The following STRN3 variants were observed in gnomAD, a reference collection of about 807,000 sequenced individuals.
STRN3 encodes the protein striatin 3.
In STRN3, 29 loss-of-function variants were observed where a neutral mutation model predicts 95.6. That is an observed-to-expected ratio of 0.30 (90% CI 0.23 to 0.41). The LOEUF (loss-of-function observed/expected upper bound fraction) is 0.41, where lower values mean the gene tolerates loss of function less well. Ranked by LOEUF, STRN3 falls within the 10% of genes least tolerant of loss-of-function variation. The probability of loss-of-function intolerance (pLI) is 1.00; values close to 1 mark genes in which losing one functional copy is unlikely to be tolerated. For synonymous variants in STRN3, 331 were observed against 357.6 expected, an observed-to-expected ratio of 0.93 and a Z score of 0.84; for missense variants, 890 against 972.1, an observed-to-expected ratio of 0.92 and a Z score of 1.12.
At chr14:30,936,297 TG>T (rs1878814301) in intron 6 of STRN3, among the ~76,000 whole-genome samples, 197 bp downstream of exon 6, 1 of 152,202 alleles carries the variant, frequency 6.6e-6, no homozygotes. Flanking sequence ...GACCTTTTCT[TG>T]CCCATTTAGT....
chr14:31,024,057 A>G (rs112250905), intron 1 of STRN3, among the ~76,000 whole-genome samples: 1,820 of 152,352 alleles, frequency 0.012, 11 homozygotes, highest in Non-Finnish European at 0.019. Flanking sequence ...CCTAGAAGGG[A>G]AAGCAAATGC....
intron 8 of STRN3, among the ~76,000 whole-genome samples, chr14:30,927,977 T>G (rs1340220439): frequency 1.3e-5 from 2 of 151,334 alleles, no homozygotes; most frequent in African/African-American, 4.9e-5. Context: ...AATTCTAATG[T>G]CATTTTGTCT....
chr14:30,907,125 T>C (rs749650585), intron 13 of STRN3, 81 bp from the exon 14 acceptor site: 1 of 1,473,946 alleles, frequency 6.8e-7, no homozygotes, highest in Non-Finnish European at 9.1e-7. Flanking sequence ...ACTTACCATA[T>C]AACTGAGCAT....
chr14:30,992,303 C>T (rs1052377919), intron 1 of STRN3, among the ~76,000 whole-genome samples: 6 of 151,402 alleles, frequency 4.0e-5, no homozygotes, highest in Non-Finnish European at 1.5e-5. Flanking sequence ...CCCAGCTACT[C>T]GGGAGACCTG....
At chr14:31,011,817 C>T (rs977869440) in intron 1 of STRN3, among the ~76,000 whole-genome samples, 1 of 151,826 alleles carries the variant, frequency 6.6e-6, no homozygotes, top group Non-Finnish European at 1.5e-5. Flanking sequence ...CAGTGGCTAA[C>T]GGATGTAATC....
chr14:30,963,647 T>C (rs1282683157), intron 1 of STRN3, among the ~76,000 whole-genome samples: 1 of 152,144 alleles, frequency 6.6e-6, no homozygotes, highest in Admixed American at 6.5e-5. Flanking sequence ...TGACCTCAAG[T>C]GATCTGCCCA....
At chr14:31,014,989 G>T (rs545317792) in intron 1 of STRN3, among the ~76,000 whole-genome samples, 1 of 152,084 alleles carries the variant, frequency 6.6e-6, no homozygotes, top group Admixed American at 6.6e-5. Context: ...CACCATGCCC[G>T]GCTAATTTTT....
At chr14:30,974,607 C>CAA (rs34613702) in intron 1 of STRN3, among the ~76,000 whole-genome samples, 25,231 of 120,380 alleles carry the variant, frequency 0.21, 2,828 homozygotes, top group African/African-American at 0.26. Context: ...AGCATAACTA[C>CAA]AAAAAAAAAA....
At chr14:30,931,326 T>TA (rs1491198708) in intron 7 of STRN3, among the ~76,000 whole-genome samples, 4 of 152,114 alleles carry the variant, frequency 2.6e-5, no homozygotes, top group African/African-American at 9.7e-5. Context: ...ATCCTTTTTT[T>TA]AAAAAATCTA....
intron 5 of STRN3, among the ~76,000 whole-genome samples, chr14:30,941,360 A>G (rs1295465223): frequency 2.0e-5 from 3 of 152,270 alleles, no homozygotes; most frequent in East Asian, 1.9e-4. Flanking sequence ...TTCAACTTCA[A>G]TATCTTGCTT....
rs770181716 is a variant in STRN3, at chr14:30,929,274, A to G, written c.1026T>C (p.Asp342=). The G allele has an allele frequency of 1.9e-6, 3 of 1,613,626 alleles. No individual in the cohort carries two copies. Among genetic ancestry groups the G allele is most frequent in the Non-Finnish European group, 2.5e-6 (3 of 1,179,750 alleles). ...DDLSPTAEVW[D]VDQGLISKLK... ...GTTTACTTATTAGTCCCTGGTCTAC[A>G]TCCCAAACCTCAGCAGTTGGGGAGA... is the stretch of plus-strand genomic sequence containing the variant. The change falls in exon 8 of 18, where the codon GAT becomes GAC. Residue 342 remains aspartate, a synonymous_variant. Transcript: ENST00000357479.
At chr14:31,007,955 G>C (rs1178186661) in intron 1 of STRN3, among the ~76,000 whole-genome samples, 1 of 152,182 alleles carries the variant, frequency 6.6e-6, no homozygotes, top group Non-Finnish European at 1.5e-5. Flanking sequence ...CACTTTGGGA[G>C]GCTGAGGCAG....
chr14:30,895,323 G>T lies in STRN3; in HGVS notation c.*88C>A. On this transcript the variant is annotated 3_prime_UTR_variant, in exon 18 of 18. Transcript: ENST00000357479. ...GCCTTCACCAGGCAGATCACATGTA[G>T]TGTCATATCAGTAACCTTTCTGATG... 7.4e-7 allele frequency: 1 copy of T among 1,350,886 alleles called. No homozygotes were observed. The highest frequency in any genetic ancestry group is 9.9e-7 in the Non-Finnish European group (1 of 1,009,852). The allele number at this position is 1,350,886 out of a possible 1,614,324, so 83.7% of individuals were successfully genotyped here.
chr14:31,018,484 A>G lies in STRN3; in HGVS notation c.282+7420T>C, dbSNP rs189930032. ...TCCTGACTGTCACCGTCACTCCTTC[A>G]GAGCAGAGCTTCTCTAGGGAACTTG... On this transcript the variant is annotated intron_variant, in intron 1 of 17. Transcript: ENST00000357479. 1,408 of 428,076 alleles carry G rather than the reference A, an allele frequency of 3.3e-3. 1 individual carries two copies. Among genetic ancestry groups the G allele is most frequent in the Non-Finnish European group, 5.3e-3 (1,136 of 214,892 alleles). 26.5% of individuals were successfully genotyped at this position (428,076 alleles called of 1,614,324 possible). A position where few individuals can be genotyped will look rare whatever the true frequency, so the allele number is the denominator to read the frequency against.
intron 1 of STRN3, among the ~76,000 whole-genome samples, chr14:30,986,307 A>G (rs1258439347): frequency 6.8e-6 from 1 of 147,570 alleles, no homozygotes; most frequent in Non-Finnish European, 1.5e-5. Context: ...ATTAAGAGAA[A>G]TACGTATTTT....
chr14:30,987,006 T>TA (rs1254942134), intron 1 of STRN3, among the ~76,000 whole-genome samples: 1 of 152,230 alleles, frequency 6.6e-6, no homozygotes, highest in Non-Finnish European at 1.5e-5. Flanking sequence ...ACTCAAGCTC[T>TA]AATTACCAAC....
intron 13 of STRN3, among the ~76,000 whole-genome samples, 179 bp from the exon 14 acceptor site, chr14:30,907,223 C>A (rs1390490395): frequency 6.6e-6 from 1 of 151,784 alleles, no homozygotes; most frequent in Non-Finnish European, 1.5e-5. Flanking sequence ...TACTTTTATA[C>A]CCTCCTCCCA....
rs1881184269 is a variant in STRN3, at chr14:30,977,797, A to AGG, written c.283-21556_283-21555insCC. Among the ~76,000 whole-genome samples, 3 of 146,894 alleles carry AGG rather than the reference A, an allele frequency of 2.0e-5. 1 individual carries two copies. Among genetic ancestry groups the AGG allele is most frequent in the Admixed American group, 6.8e-5 (1 of 14,802 alleles). On this transcript the variant is annotated intron_variant, in intron 1 of 17. Transcript: ENST00000357479. ...AAACAAAACAAGACTCTATCTCGAA[A>AGG]AAAAAAAAAAAAAAAAAAAACATGA...
In STRN3 at chr14:30,894,997, T is replaced by C; in HGVS notation, c.*414A>G. 1 of 637,606 alleles carries C rather than the reference T, an allele frequency of 1.6e-6. No individual in the cohort carries two copies. The highest frequency in any genetic ancestry group is 2.0e-6 in the Non-Finnish European group (1 of 498,310). The allele number at this position is 637,606 out of a possible 1,614,324, so 39.5% of individuals were successfully genotyped here. ...GATGAAAAAAAGCTACTCTTGGAGC[T>C]CACTTCCCCCAACAAGAGCACCACA... On this transcript the variant is annotated 3_prime_UTR_variant, in exon 18 of 18. Coordinates refer to ENST00000357479, the MANE Select transcript of STRN3 (RefSeq NM_001083893.2).
Sources: allele counts gnomAD v4.1 joint callset (sites outside exome capture counted in the v4.1 genomes callset), GRCh38; gene constraint gnomAD v4.1.1; transcripts MANE v1.5; gene names NCBI Gene and HGNC (gene_info 2026-07-23, HGNC 2026-07-21).